The following MAML3 variants were observed in gnomAD, a reference collection of about 807,000 sequenced individuals.
MAML3 encodes the protein mastermind-like protein 3.
In MAML3, 27 loss-of-function variants were observed where a neutral mutation model predicts 101.9. The ratio of observed to expected loss-of-function variants is 0.27; its 90% confidence interval spans 0.20 to 0.37. The LOEUF is 0.37. Among genes scored for constraint, MAML3 ranks in the 10% least tolerant of loss-of-function variants. The pLI, the probability that MAML3 is intolerant of heterozygous loss-of-function variation, is 1.00. For missense variants in MAML3, 1,316 were observed against 1,444.9 expected, an observed-to-expected ratio of 0.91 and a Z score of 1.45; for synonymous variants, 501 against 555.9, an observed-to-expected ratio of 0.90 and a Z score of 1.39.
At chr4:140,033,409 G>T (rs1392610784) in intron 1 of MAML3, among the ~76,000 whole-genome samples, 1 of 126,564 alleles carries the variant, frequency 7.9e-6, no homozygotes, top group Non-Finnish European at 1.7e-5. Context: ...AAAAAAGATG[G>T]AGCAAGAAGA....
chr4:139,821,674 C>A (rs1386131964), intron 2 of MAML3, among the ~76,000 whole-genome samples: 3 of 152,212 alleles, frequency 2.0e-5, no homozygotes, highest in African/African-American at 7.2e-5. Context: ...GGGAAGCTGG[C>A]CTAGGCTTCC....
chr4:139,983,556 T>C (rs968624877), intron 1 of MAML3, among the ~76,000 whole-genome samples: 4 of 152,186 alleles, frequency 2.6e-5, no homozygotes, highest in Admixed American at 6.6e-5. Context: ...ATTTTGCTGG[T>C]TGAGCATCTG....
chr4:139,854,601 T>C lies in MAML3; in HGVS notation c.2079+34756A>G, dbSNP rs1731621321. Among the ~76,000 whole-genome samples, 3 of 103,894 alleles carry C rather than the reference T, an allele frequency of 2.9e-5. No homozygotes were observed. The Admixed American group carries it at 3.1e-4, about 11-fold the overall frequency. The allele number at this position is 103,894 out of a possible 152,430, so 68.2% of individuals were successfully genotyped here. The stretch of plus-strand genomic sequence containing the variant: ...TAATGGTGAGGAACATTTTCTTGGA[T>C]AGTCTCAAGCTGCAGATGTCCCACT... On this transcript the variant is annotated intron_variant, in intron 2 of 4. Transcript: ENST00000509479.
Position 140,045,099 on chromosome 4 carries a change from A to T in MAML3, c.468+107761T>A, listed in dbSNP as rs574331371. Among the ~76,000 whole-genome samples the T allele has an allele frequency of 3.9e-5, 6 of 152,320 alleles. No homozygotes were observed. In the South Asian group the frequency reaches 1.2e-3, roughly 32 times the overall value. ...TTCTTCCCAGTTTTAATGTATTTTT[A>T]AAAAACAGAATCTGGGCCAGGCACA... is the stretch of plus-strand genomic sequence containing the variant. On this transcript the variant is annotated intron_variant, in intron 1 of 4. Transcript: ENST00000509479.
In MAML3 at chr4:139,864,697, A is replaced by G. The variant is rs1170696319; in HGVS notation, c.2079+24660T>C. Among the ~76,000 whole-genome samples the G allele has an allele frequency of 6.0e-5, 9 of 149,402 alleles. No homozygotes were observed. In the South Asian group the frequency reaches 1.9e-3, roughly 31 times the overall value. ...CTCAAAAAAAAAAAAAAAAAAAAAA[A>G]AAGAAAAAGAAATCTTGAATGATAA... On this transcript the variant is annotated intron_variant, in intron 2 of 4. Coordinates refer to ENST00000509479, the MANE Select transcript of MAML3 (RefSeq NM_018717.5).
chr4:139,993,643 T>A (rs995094610), intron 1 of MAML3, among the ~76,000 whole-genome samples: 3 of 151,850 alleles, frequency 2.0e-5, no homozygotes, highest in Admixed American at 6.6e-5. Context: ...CTGGCCAACA[T>A]GATGAAACCT....
intron 2 of MAML3, among the ~76,000 whole-genome samples, chr4:139,746,859 G>T (rs901072986): frequency 6.6e-6 from 1 of 152,188 alleles, no homozygotes. Flanking sequence ...CTTTGATCAA[G>T]TAAAGGTAAT....
chr4:139,839,707 G>A (rs1386504761), intron 2 of MAML3, among the ~76,000 whole-genome samples: 1 of 152,114 alleles, frequency 6.6e-6, no homozygotes, highest in African/African-American at 2.4e-5. Flanking sequence ...TGGAAACCGT[G>A]CATTTTTTTC....
chr4:139,920,178 A>G (rs900891400), intron 1 of MAML3, among the ~76,000 whole-genome samples: 26 of 152,358 alleles, frequency 1.7e-4, no homozygotes, highest in African/African-American at 6.3e-4. Context: ...GATTTCAATG[A>G]CATTCACTTT....
At chr4:140,016,681 C>T (rs752929542) in intron 1 of MAML3, among the ~76,000 whole-genome samples, 24 of 152,164 alleles carry the variant, frequency 1.6e-4, no homozygotes, top group South Asian at 8.3e-4. Flanking sequence ...AGCAATTTCA[C>T]GGAGGAAGGA....
intron 1 of MAML3, among the ~76,000 whole-genome samples, chr4:140,058,752 AATTTGTTTTATAATTTTTTTCCTGTT>A (rs1400735455): frequency 6.6e-6 from 1 of 152,082 alleles, no homozygotes; most frequent in African/African-American, 2.4e-5. Flanking sequence ...TTGAGCATTT[AATTTGTTTTATAATTTTTTTCCTGTT>A]CTTCTGAATT....
intron 2 of MAML3, chr4:139,889,119 A>G: frequency 1.3e-6 from 1 of 787,136 alleles, no homozygotes; most frequent in Non-Finnish European, 2.2e-6. Flanking sequence ...GTTGGGAATA[A>G]AAGAAGTTTG....
At position 140,146,124 on chromosome 4, in the gene MAML3, C is replaced by T. The variant is rs138649658; in HGVS notation, c.468+6736G>A. Among the ~76,000 whole-genome samples, 1,337 of 152,192 alleles carry T rather than the reference C, an allele frequency of 8.8e-3. 20 individuals are homozygous for T. The highest frequency in any genetic ancestry group is 0.029 in the African/African-American group (1,198 of 41,502). On this transcript the variant is annotated intron_variant, in intron 1 of 4. Coordinates refer to ENST00000509479, the MANE Select transcript of MAML3 (RefSeq NM_018717.5). ...CTGATCTCAACTGATCTACCGGTCT[C>T]GGCCTCCCATAGTGCTGGGATTACA...
chr4:139,831,827 C>T (rs1472665083), intron 2 of MAML3, among the ~76,000 whole-genome samples: 4 of 150,520 alleles, frequency 2.7e-5, no homozygotes, highest in African/African-American at 9.8e-5. Context: ...GAGTCTTGCT[C>T]TGTCACCCAG....
At chr4:139,762,173 C>T (rs938789062) in intron 2 of MAML3, among the ~76,000 whole-genome samples, 1 of 152,196 alleles carries the variant, frequency 6.6e-6, no homozygotes, top group Non-Finnish European at 1.5e-5. Context: ...CATTACCATG[C>T]ATGTCCTCTG....
intron 1 of MAML3, among the ~76,000 whole-genome samples, chr4:140,009,038 TAC>T (rs1726504669): frequency 6.6e-6 from 1 of 152,238 alleles, no homozygotes; most frequent in South Asian, 2.1e-4. Context: ...GATTTAATGT[TAC>T]AGTTAATTTC....
intron 4 of MAML3, among the ~76,000 whole-genome samples, chr4:139,725,427 T>C (rs193007462): frequency 1.8e-4 from 27 of 152,296 alleles, no homozygotes; most frequent in Non-Finnish European, 3.1e-4. Context: ...CAGTATATCT[T>C]TACTGGTTGT....
intron 1 of MAML3, among the ~76,000 whole-genome samples, chr4:139,895,627 C>G (rs1311951175): frequency 6.6e-6 from 1 of 152,208 alleles, no homozygotes; most frequent in African/African-American, 2.4e-5. Flanking sequence ...GGAATGCTTA[C>G]TGGATCTTCA....
At chr4:139,966,611 T>C (rs1205811216) in intron 1 of MAML3, among the ~76,000 whole-genome samples, 1 of 152,204 alleles carries the variant, frequency 6.6e-6, no homozygotes, top group Non-Finnish European at 1.5e-5. Context: ...ATCTTACGTG[T>C]TTCTGACCGA....
Sources: gnomAD v4.1 joint callset for allele counts (sites outside exome capture counted in the v4.1 genomes callset) on GRCh38, gnomAD v4.1.1 for gene constraint, MANE v1.5 for transcripts, NCBI Gene and HGNC (gene_info 2026-07-23, HGNC 2026-07-21) for gene names.